IQANK1: variants seen among roughly 807,000 people sequenced by gnomAD.
IQANK1 encodes the protein IQ motif and ankyrin repeat domain-containing protein 1.
Under a neutral mutation model 22.6 loss-of-function variants are expected in IQANK1, and 30 were observed. That is an observed-to-expected ratio of 1.33 (90% CI 0.99 to 1.80). IQANK1 has a LOEUF of 1.80. Ranked by LOEUF, IQANK1 falls within the 40% of genes most tolerant of loss-of-function variation. The pLI, the probability that IQANK1 is intolerant of heterozygous loss-of-function variation, is 0.00. For synonymous variants in IQANK1, 122 were observed against 99.6 expected, an observed-to-expected ratio of 1.23 and a Z score of -1.34; for missense variants, 275 against 235.2, an observed-to-expected ratio of 1.17 and a Z score of -1.11.
chr8:143,736,537 G>A (rs1554625711), intron 2 of IQANK1, among the ~76,000 whole-genome samples: 1 of 152,130 alleles, frequency 6.6e-6, no homozygotes, highest in African/African-American at 2.4e-5. Context: ...TGGGAAGGGG[G>A]CAGGAGCCAG....
chr8:143,756,447 C>T (rs530645296), intron 3 of IQANK1, among the ~76,000 whole-genome samples: 24 of 152,136 alleles, frequency 1.6e-4, no homozygotes, highest in African/African-American at 5.1e-4. Flanking sequence ...AGGAGCACCC[C>T]GTGTCACAGG....
In IQANK1 at chr8:143,742,709, G is replaced by A. The variant is rs1456961483; in HGVS notation, c.175+2761G>A. On this transcript the variant is annotated intron_variant, in intron 3 of 13. Coordinates refer to ENST00000527139, the MANE Select transcript of IQANK1 (RefSeq NM_001381874.1). ...AACCTGCGGGAAGCTCCAAAGGGGG[G>A]CCTGCCAGAGGATACACAACCACCC... The A allele has an allele frequency of 1.5e-4, 67 of 455,882 alleles. 1 individual carries two copies. The Admixed American group carries it at 1.6e-3, about 11-fold the overall frequency. 28.2% of individuals were successfully genotyped at this position (455,882 alleles called of 1,614,324 possible). A position where few individuals can be genotyped will look rare whatever the true frequency, so the allele number is the denominator to read the frequency against.
intron 7 of IQANK1, among the ~76,000 whole-genome samples, chr8:143,786,761 T>TG (rs1563781852): frequency 1.3e-5 from 2 of 151,506 alleles, no homozygotes; most frequent in Non-Finnish European, 2.9e-5. Flanking sequence ...GTGGCCAAGG[T>TG]GGGGTTTGCT....
Position 143,790,450 on chromosome 8 carries a change from C to T in IQANK1, c.1525C>T (p.Arg509Trp), listed in dbSNP as rs782016857. The change falls in exon 14 of 14, where the codon CGG becomes TGG. Residue 509 changes from arginine (R) to tryptophan (W), a missense_variant. Arg to Trp is a moderately radical substitution (Grantham distance 101). Coordinates refer to ENST00000527139, the MANE Select transcript of IQANK1 (RefSeq NM_001381874.1). ...AVQERYLSLL[R>W]PTDGPEYSPT... ...GCAGGAGAGGTACCTGTCGCTGCTGCGGCCCACGGACGGGCCTGAGTATAG... is the reference window on the plus strand; with the variant it reads ...GCAGGAGAGGTACCTGTCGCTGCTGTGGCCCACGGACGGGCCTGAGTATAG... 106 of 489,346 alleles carry T rather than the reference C, an allele frequency of 2.2e-4. No individual in the cohort carries two copies. The highest frequency in any genetic ancestry group is 2.9e-4 in the Non-Finnish European group (90 of 309,320). 30.3% of individuals were successfully genotyped at this position (489,346 alleles called of 1,614,324 possible).
At chr8:143,744,057 C>T in intron 3 of IQANK1, 1 of 261,888 alleles carries the variant, frequency 3.8e-6, no homozygotes, top group South Asian at 3.4e-5. Flanking sequence ...TGGTCTCGAT[C>T]TCTTGACCTT....
Position 143,781,542 on chromosome 8 carries a change from C to T in IQANK1, c.790-7373C>T, listed in dbSNP as rs1444946799. On this transcript the variant is annotated intron_variant, in intron 7 of 13. Coordinates refer to ENST00000527139, the MANE Select transcript of IQANK1 (RefSeq NM_001381874.1). ...TCCATCTTCAATCTTCTGCATATGGCTAGCCAGTTATTCCAGCACGGTTTA... is the reference window on the plus strand; with the variant it reads ...TCCATCTTCAATCTTCTGCATATGGTTAGCCAGTTATTCCAGCACGGTTTA... 2.6e-5 allele frequency among the ~76,000 whole-genome samples: 4 copies of T among 152,162 alleles called. No homozygotes were observed. The South Asian group carries it at 8.3e-4, about 32-fold the overall frequency.
At chr8:143,756,679 T>C (rs1202636212) in intron 3 of IQANK1, among the ~76,000 whole-genome samples, 1 of 151,928 alleles carries the variant, frequency 6.6e-6, no homozygotes, top group African/African-American at 2.4e-5. Context: ...AGAGTTTTTT[T>C]CTCAAAAGAA....
intron 2 of IQANK1, among the ~76,000 whole-genome samples, chr8:143,736,950 G>A (rs1355917183): frequency 6.6e-6 from 1 of 152,110 alleles, no homozygotes; most frequent in Non-Finnish European, 1.5e-5. Flanking sequence ...ACCCCATCCT[G>A]CTCCCCAGAC....
chr8:143,780,389 T>C (rs1031399656), intron 7 of IQANK1, among the ~76,000 whole-genome samples: 1 of 152,132 alleles, frequency 6.6e-6, no homozygotes, highest in Non-Finnish European at 1.5e-5. Context: ...GCAGGTGACA[T>C]AGTCATGGGG....
rs1819991975 is a variant in IQANK1 at position 143,789,970 on chromosome 8, G to T, written c.1196-1G>T. The T allele has an allele frequency of 1.6e-6, 2 of 1,231,922 alleles. No homozygotes were observed. The highest frequency in any genetic ancestry group is 1.5e-5 in the African/African-American group (1 of 64,542). 76.3% of individuals were successfully genotyped at this position (1,231,922 alleles called of 1,614,324 possible). On this transcript the variant is annotated splice_acceptor_variant, in intron 11 of 13. Transcript: ENST00000527139. LOFTEE classifies it high-confidence loss of function. ...TCAGCTGCACTCTGCTACCCCGACA[G>T]GGGAGGAAGAGGCGCCTGGGCTGAA... is the stretch of plus-strand genomic sequence containing the variant.
At chr8:143,750,034 C>T (rs186477245) in intron 3 of IQANK1, among the ~76,000 whole-genome samples, 114 of 143,496 alleles carry the variant, frequency 7.9e-4, no homozygotes, top group African/African-American at 2.7e-3. Context: ...GGTGGAGTTT[C>T]GCTCTTGTTG....
At chr8:143,755,824 G>A (rs1390721882) in intron 3 of IQANK1, among the ~76,000 whole-genome samples, 1 of 152,226 alleles carries the variant, frequency 6.6e-6, no homozygotes, top group African/African-American at 2.4e-5. Flanking sequence ...CTGAGCCCCT[G>A]GAAGTGGAGC....
intron 7 of IQANK1, among the ~76,000 whole-genome samples, chr8:143,775,483 G>A (rs1554630272): frequency 2.0e-5 from 3 of 152,074 alleles, no homozygotes; most frequent in South Asian, 4.2e-4. Flanking sequence ...AGCTGAGGCC[G>A]GGCGGGGTGG....
rs115363703 is a variant in IQANK1 at position 143,754,006 on chromosome 8, G to T, written c.175+14058G>T. Among the ~76,000 whole-genome samples the T allele has an allele frequency of 6.0e-3, 910 of 151,862 alleles. 13 individuals carry two copies. The highest frequency in any genetic ancestry group is 0.02 in the African/African-American group (839 of 41,472). On this transcript the variant is annotated intron_variant, in intron 3 of 13. Transcript: ENST00000527139. ...GGGTATAAACTTACGGTCTTCTTGG[G>T]ACTCTTCTGAGCCTTTCTTTGGCAT...
chr8:143,785,998 C>A (rs1554631310), intron 7 of IQANK1, among the ~76,000 whole-genome samples: 1 of 152,118 alleles, frequency 6.6e-6, no homozygotes, highest in African/African-American at 2.4e-5. Flanking sequence ...GTGCTGAGAT[C>A]ACAGGCGTCA....
chr8:143,761,868 G>A (rs1421503839), intron 3 of IQANK1, among the ~76,000 whole-genome samples: 3 of 127,788 alleles, frequency 2.3e-5, no homozygotes, highest in Non-Finnish European at 5.5e-5. Flanking sequence ...CATATATTAG[G>A]ATAGAAATAT....
At chr8:143,766,825 G>T (rs1819489931) in intron 3 of IQANK1, among the ~76,000 whole-genome samples, 1 of 152,130 alleles carries the variant, frequency 6.6e-6, no homozygotes, top group Non-Finnish European at 1.5e-5. Context: ...TTGCCTTCCG[G>T]TGCGATCACC....
intron 3 of IQANK1, among the ~76,000 whole-genome samples, chr8:143,752,242 A>G (rs1265978941): frequency 3.3e-5 from 5 of 152,222 alleles, no homozygotes; most frequent in African/African-American, 1.2e-4. Context: ...CTGGGATTAC[A>G]GGCGTGAGCC....
intron 3 of IQANK1, among the ~76,000 whole-genome samples, chr8:143,750,669 C>G (rs1819171188): frequency 6.6e-6 from 1 of 152,016 alleles, no homozygotes; most frequent in Non-Finnish European, 1.5e-5. Context: ...AGAAAATTAG[C>G]CAGGCATGGT....
Sources: gnomAD v4.1 joint callset for allele counts (sites outside exome capture counted in the v4.1 genomes callset) on GRCh38, gnomAD v4.1.1 for gene constraint, MANE v1.5 for transcripts, NCBI Gene and HGNC (gene_info 2026-07-23, HGNC 2026-07-21) for gene names.